Variants in GNG7 observed in about 807,000 individuals in gnomAD.
The protein encoded by GNG7 is guanine nucleotide-binding protein G(I)/G(S)/G(O) subunit gamma-7.
In GNG7, 1 loss-of-function variant was observed where a neutral mutation model predicts 4.0. That is an observed-to-expected ratio of 0.25 (90% confidence interval 0.09 to 1.18). The LOEUF (loss-of-function observed/expected upper bound fraction) is 1.18. Ranked by LOEUF, GNG7 falls within the 50% of genes most tolerant of loss-of-function variation. The pLI, the probability that GNG7 is intolerant of heterozygous loss-of-function variation, is 0.50. For missense variants in GNG7, 86 were observed against 91.9 expected, an observed-to-expected ratio of 0.94 and a Z score of 0.26; for synonymous variants, 34 against 36.9, an observed-to-expected ratio of 0.92 and a Z score of 0.29.
intron 1 of GNG7, among the ~76,000 whole-genome samples, chr19:2,673,289 A>C (rs1983512216): frequency 1.3e-5 from 2 of 149,212 alleles, no homozygotes; most frequent in South Asian, 2.1e-4. Flanking sequence ...AAAACAAAAC[A>C]AAAAAAAACC....
intron 3 of GNG7, among the ~76,000 whole-genome samples, chr19:2,529,764 G>C (rs1375763859): frequency 1.3e-5 from 2 of 152,202 alleles, no homozygotes; most frequent in African/African-American, 4.8e-5. Context: ...TTCAGGGAGA[G>C]GTGAGGTCAT....
At chr19:2,674,226 C>T (rs1309549436) in intron 1 of GNG7, among the ~76,000 whole-genome samples, 1 of 131,250 alleles carries the variant, frequency 7.6e-6, no homozygotes, top group Admixed American at 7.4e-5. Flanking sequence ...GATCACCCCA[C>T]TGCACTCTAG....
chr19:2,565,238 G>A (rs994075817), intron 2 of GNG7, among the ~76,000 whole-genome samples: 64 of 152,022 alleles, frequency 4.2e-4, no homozygotes, highest in Admixed American at 1.2e-3. Context: ...TGTGCCAGGC[G>A]CGGTGGCTCA....
In GNG7 at chr19:2,618,187, C is replaced by T. The variant is rs999615270; in HGVS notation, c.-78+28037G>A. On this transcript the variant is annotated intron_variant, in intron 2 of 4. Coordinates refer to ENST00000382159, the MANE Select transcript of GNG7 (RefSeq NM_052847.3). The surrounding 1 kb of genome is among the most constrained non-coding windows in gnomAD (Gnocchi z 5.1). Reference sequence around the variant, plus strand: ...CGGGTCAATATTTGCGACTGACCGACGGGTTGGCCTTCCATCTACTCTTCC... The same window carrying T: ...CGGGTCAATATTTGCGACTGACCGATGGGTTGGCCTTCCATCTACTCTTCC... Among the ~76,000 whole-genome samples, 7 of 152,148 alleles carry T rather than the reference C, an allele frequency of 4.6e-5. No individual in the cohort carries two copies. Among genetic ancestry groups the T allele is most frequent in the Admixed American group, 6.6e-5 (1 of 15,264 alleles).
intron 2 of GNG7, among the ~76,000 whole-genome samples, chr19:2,597,678 C>T (rs991382159): frequency 2.0e-5 from 3 of 151,086 alleles, no homozygotes; most frequent in African/African-American, 7.3e-5. Flanking sequence ...GGGTGGATCA[C>T]GAGGTCAGCA....
chr19:2,649,855 G>A (rs1043244189), intron 1 of GNG7, among the ~76,000 whole-genome samples: 4 of 151,682 alleles, frequency 2.6e-5, no homozygotes, highest in African/African-American at 9.7e-5. Context: ...AAGCCCCCTC[G>A]CCATCAGCCC....
intron 1 of GNG7, among the ~76,000 whole-genome samples, chr19:2,691,789 C>T (rs946644063): frequency 6.6e-6 from 1 of 151,172 alleles, no homozygotes; most frequent in Non-Finnish European, 1.5e-5. Context: ...ATTGCTTGAA[C>T]CCGGGAGGCG....
At chr19:2,628,382 C>T (rs1982071642) in intron 2 of GNG7, among the ~76,000 whole-genome samples, 1 of 152,160 alleles carries the variant, frequency 6.6e-6, no homozygotes, top group African/African-American at 2.4e-5. Context: ...GATGTGAGTG[C>T]TCTGAGCCCC....
At chr19:2,575,153 T>A (rs1980270324) in intron 2 of GNG7, among the ~76,000 whole-genome samples, 1 of 150,952 alleles carries the variant, frequency 6.6e-6, no homozygotes, top group South Asian at 2.1e-4. Context: ...GGCACCGTCA[T>A]AGCTTACTGC....
At chr19:2,594,227 G>C (rs11668771) in intron 2 of GNG7, among the ~76,000 whole-genome samples, 3 of 151,982 alleles carry the variant, frequency 2.0e-5, no homozygotes, top group African/African-American at 7.3e-5. Flanking sequence ...AAAACACTTA[G>C]CTGGGTGTGG....
In GNG7 at chr19:2,546,487, T is replaced by C. The variant is rs1220562493; in HGVS notation, c.-38+8662A>G. On this transcript the variant is annotated intron_variant, in intron 3 of 4. Coordinates refer to ENST00000382159, the MANE Select transcript of GNG7 (RefSeq NM_052847.3). This position sits in a 1 kb window ranked among gnomAD's most constrained non-coding sequence, Gnocchi z 6.3. ...AGGGAGGGCCGCACTGGCTGGAAAA[T>C]AGTGCCTTGTGACTGTCCCTGTCAG... Among the ~76,000 whole-genome samples, 2 of 152,124 alleles carry C rather than the reference T, an allele frequency of 1.3e-5. No homozygotes were observed. Among genetic ancestry groups the C allele is most frequent in the African/African-American group, 2.4e-5 (1 of 41,416 alleles).
intron 2 of GNG7, among the ~76,000 whole-genome samples, chr19:2,589,624 T>A (rs1187528615): frequency 1.3e-5 from 2 of 152,014 alleles, no homozygotes; most frequent in African/African-American, 4.8e-5. Flanking sequence ...TCCTCCCATG[T>A]CAGATGATGG....
chr19:2,632,675 T>A (rs1458116969), intron 2 of GNG7: 1 of 152,158 alleles, frequency 6.6e-6, no homozygotes, highest in Non-Finnish European at 1.5e-5. Context: ...GTCCCTGGCC[T>A]CCACCCACTC....
chr19:2,640,608 T>G (rs530064040), intron 2 of GNG7, among the ~76,000 whole-genome samples: 20 of 152,180 alleles, frequency 1.3e-4, no homozygotes, highest in African/African-American at 4.6e-4. Flanking sequence ...TCTTTGTACT[T>G]TTCTTCATTT....
At chr19:2,684,719 T>C (rs1436080589) in intron 1 of GNG7, among the ~76,000 whole-genome samples, 1 of 152,124 alleles carries the variant, frequency 6.6e-6, no homozygotes, top group Non-Finnish European at 1.5e-5. Context: ...CCGGGCACAG[T>C]GGCTCATGCC....
chr19:2,536,832 G>A (rs1978752032), intron 3 of GNG7, among the ~76,000 whole-genome samples: 2 of 152,134 alleles, frequency 1.3e-5, no homozygotes, highest in Non-Finnish European at 2.9e-5. Context: ...TTCTCGGGAG[G>A]GGCTCTCTTG....
chr19:2,674,868 G>A (rs1224424590), intron 1 of GNG7, among the ~76,000 whole-genome samples: 4 of 152,156 alleles, frequency 2.6e-5, no homozygotes, highest in African/African-American at 9.7e-5. Flanking sequence ...CGACTCCATC[G>A]GGCAGCTTTT....
intron 2 of GNG7, among the ~76,000 whole-genome samples, chr19:2,584,315 G>A (rs62123673): frequency 0.36 from 52,935 of 146,118 alleles, 11,152 homozygotes; most frequent in African/African-American, 0.57. Flanking sequence ...GCGATGGCAC[G>A]TGACTGTAGT....
chr19:2,680,203 A>G (rs1478569306), intron 1 of GNG7, among the ~76,000 whole-genome samples: 1 of 139,442 alleles, frequency 7.2e-6, no homozygotes. Context: ...GCTGGAGTGC[A>G]GTTGTGCGAT....
Sources: gnomAD v4.1 joint callset for allele counts (sites outside exome capture counted in the v4.1 genomes callset) on GRCh38, gnomAD v4.1.1 for gene constraint, Gnocchi (gnomAD v3.1) non-coding constraint, MANE v1.5 for transcripts, NCBI Gene and HGNC (gene_info 2026-07-23, HGNC 2026-07-21) for gene names.